The following CDC73 variants were observed in gnomAD, a reference collection of about 807,000 sequenced individuals.
The protein encoded by CDC73 is parafibromin.
Under a neutral mutation model 83.7 loss-of-function variants are expected in CDC73, and 21 were observed. The observed-to-expected ratio is 0.25, with a 90% CI of 0.18 to 0.36. The LOEUF is 0.36. Ranked by LOEUF, CDC73 falls within the 10% of genes least tolerant of loss-of-function variation. The pLI is 1.00. For synonymous variants in CDC73, 224 were observed against 212.9 expected, an observed-to-expected ratio of 1.05 and a Z score of -0.45; for missense variants, 342 against 653.3, an observed-to-expected ratio of 0.52 and a Z score of 5.19.
intron 2 of CDC73, among the ~76,000 whole-genome samples, chr1:193,127,402 A>T (rs957102903): frequency 6.6e-6 from 1 of 151,966 alleles, no homozygotes; most frequent in Non-Finnish European, 1.5e-5. Context: ...TAAGAAATAT[A>T]TATTTATGTT....
chr1:193,169,944 T>C (rs756713166), intron 10 of CDC73, among the ~76,000 whole-genome samples: 6 of 152,290 alleles, frequency 3.9e-5, no homozygotes, highest in Non-Finnish European at 8.8e-5. Context: ...TGATCCTCTC[T>C]CTCTGCTCTC....
intron 13 of CDC73, among the ~76,000 whole-genome samples, chr1:193,228,843 G>T (rs1251722837): frequency 6.6e-6 from 1 of 151,940 alleles, no homozygotes; most frequent in Non-Finnish European, 1.5e-5. Context: ...AAATAAAAAG[G>T]CCAGCCACAT....
intron 7 of CDC73, among the ~76,000 whole-genome samples, chr1:193,147,558 G>A (rs1308016776): frequency 1.3e-5 from 2 of 151,776 alleles, no homozygotes; most frequent in East Asian, 3.9e-4. Flanking sequence ...TAGTAGAGAC[G>A]GGGTTTCACC....
rs1553291033 is a variant in CDC73 at position 193,233,085 on chromosome 1, G to T, written c.1247G>T (p.Gly416Val). ...QRRKDQMQPGGTAISVTVPYR... is the reference protein window; with the variant it reads ...QRRKDQMQPGVTAISVTVPYR... Reference sequence around the variant, plus strand: ...AGAAAAGACCAGATGCAACCAGGGGGCACTGCAATTAGTGTTACAGTACCT... The same window carrying T: ...AGAAAAGACCAGATGCAACCAGGGGTCACTGCAATTAGTGTTACAGTACCT... Residue 416 changes from glycine to valine, a missense_variant, in exon 14 of 17, where the codon GGC becomes GTC. This residue lies in a region of CDC73 where 239 missense variants were observed against 420.6 expected (regional missense o/e 0.57). Coordinates refer to ENST00000367435, the MANE Select transcript of CDC73 (RefSeq NM_024529.5). The T allele has an allele frequency of 6.2e-7, 1 of 1,613,086 alleles. No homozygotes were observed. The highest frequency in any genetic ancestry group is 8.5e-7 in the Non-Finnish European group (1 of 1,179,212).
At chr1:193,209,024 A>G (rs1313607699) in intron 11 of CDC73, among the ~76,000 whole-genome samples, 1 of 152,136 alleles carries the variant, frequency 6.6e-6, no homozygotes, top group African/African-American at 2.4e-5. Context: ...CAATTAGATT[A>G]TGTGTTTGGT....
chr1:193,203,522 A>G (rs1339465173), intron 10 of CDC73, among the ~76,000 whole-genome samples: 1 of 152,210 alleles, frequency 6.6e-6, no homozygotes, highest in East Asian at 1.9e-4. Flanking sequence ...TAAAAATATT[A>G]CATGCTTACA....
intron 10 of CDC73, chr1:193,179,444 T>C (rs1676672455): frequency 6.6e-6 from 1 of 152,652 alleles, no homozygotes; most frequent in East Asian, 1.9e-4. Context: ...TTTACAGATA[T>C]ATTCGAAGTT....
chr1:193,208,828 T>A (rs1352217323), intron 11 of CDC73, among the ~76,000 whole-genome samples: 1 of 152,236 alleles, frequency 6.6e-6, no homozygotes, highest in Admixed American at 6.5e-5. Context: ...TCTTCCCGCC[T>A]ATGGTATTTG....
Position 193,212,611 on chromosome 1 carries a change from T to C in CDC73, c.1154+134T>C. Reference sequence around the variant, plus strand: ...TGTGCTATAGGCCTTACACATAGTATGAAGCATACATTTTCAAAACAGAAT... The same window carrying C: ...TGTGCTATAGGCCTTACACATAGTACGAAGCATACATTTTCAAAACAGAAT... On this transcript the variant is annotated intron_variant, in intron 13 of 16. Coordinates refer to ENST00000367435, the MANE Select transcript of CDC73 (RefSeq NM_024529.5). The C allele has an allele frequency of 6.0e-6, 3 of 501,930 alleles. No individual in the cohort carries two copies. In the South Asian group the frequency reaches 1.3e-4, roughly 22 times the overall value. 31.1% of individuals were successfully genotyped at this position (501,930 alleles called of 1,614,324 possible). A position where few individuals can be genotyped will look rare whatever the true frequency, so the allele number is the denominator to read the frequency against.
intron 2 of CDC73, among the ~76,000 whole-genome samples, chr1:193,129,728 G>C (rs1187868417): frequency 6.6e-6 from 1 of 151,704 alleles, no homozygotes. Context: ...GGCCAGGCTG[G>C]TCTTTAACTC....
At chr1:193,165,256 T>TCCC (rs1403379795) in intron 10 of CDC73, among the ~76,000 whole-genome samples, 13 of 152,162 alleles carry the variant, frequency 8.5e-5, no homozygotes, top group African/African-American at 2.9e-4. Context: ...AACCTCACCC[T>TCCC]CCCAATTAGT....
intron 11 of CDC73, among the ~76,000 whole-genome samples, chr1:193,210,405 T>A (rs1182729311): frequency 6.6e-6 from 1 of 152,234 alleles, no homozygotes; most frequent in Non-Finnish European, 1.5e-5. Flanking sequence ...AATTTTTCTT[T>A]ATTTTTGTCA....
chr1:193,146,079 C>T (rs948057824), intron 7 of CDC73, among the ~76,000 whole-genome samples: 10 of 152,030 alleles, frequency 6.6e-5, no homozygotes, highest in Admixed American at 4.6e-4. Context: ...GTGGTCCCAG[C>T]CAAGGAAACA....
At chr1:193,190,271 G>C (rs958319939) in intron 10 of CDC73, among the ~76,000 whole-genome samples, 2 of 152,158 alleles carry the variant, frequency 1.3e-5, no homozygotes, top group Admixed American at 1.3e-4. Context: ...AGACAATTTT[G>C]CATGATGTTT....
intron 10 of CDC73, among the ~76,000 whole-genome samples, chr1:193,175,912 T>G (rs2103153230): frequency 6.6e-6 from 1 of 152,334 alleles, no homozygotes; most frequent in Middle Eastern, 3.4e-3. Flanking sequence ...GTCTTTTTTT[T>G]GCTCAGTTAT....
intron 10 of CDC73, among the ~76,000 whole-genome samples, chr1:193,172,334 G>A (rs1165751966): frequency 1.3e-5 from 2 of 151,028 alleles, no homozygotes; most frequent in Non-Finnish European, 2.9e-5. Flanking sequence ...AAGTTATGAG[G>A]TTTCTTTTTT....
intron 10 of CDC73, among the ~76,000 whole-genome samples, chr1:193,152,658 A>G (rs1040265012): frequency 2.0e-5 from 3 of 152,200 alleles, no homozygotes; most frequent in Non-Finnish European, 4.4e-5. Context: ...ATATGTAAAT[A>G]AAAGCTGATT....
chr1:193,153,317 G>A (rs2370029), intron 10 of CDC73, among the ~76,000 whole-genome samples: 111,121 of 151,964 alleles, frequency 0.73, 40,929 homozygotes, highest in South Asian at 0.82. Flanking sequence ...CAGGAATTCT[G>A]TTAACCTCAT....
intron 3 of CDC73, among the ~76,000 whole-genome samples, chr1:193,130,472 AG>A (rs2103118190): frequency 6.6e-6 from 1 of 152,322 alleles, no homozygotes; most frequent in East Asian, 1.9e-4. Flanking sequence ...ACAGTCTCAA[AG>A]ACTTTGTCTT....
Sources: gnomAD v4.1 joint callset for allele counts (sites outside exome capture counted in the v4.1 genomes callset) on GRCh38, gnomAD v4.1.1 for gene constraint, gnomAD v4.1.1 regional missense constraint, MANE v1.5 for transcripts, NCBI Gene and HGNC (gene_info 2026-07-23, HGNC 2026-07-21) for gene names.